PDILT: variants seen among roughly 807,000 people sequenced by gnomAD.
PDILT encodes protein disulfide isomerase like, testis expressed, also known as protein disulfide-isomerase-like protein of the testis.
A neutral mutation model predicts 53.7 loss-of-function variants in PDILT; 43 were observed. The observed-to-expected ratio is 0.80, with a 90% CI of 0.63 to 1.03. PDILT has a LOEUF of 1.03. Among genes scored for constraint, PDILT ranks in the 50% least tolerant of loss-of-function variants. PDILT has a pLI of 0.00. For missense variants in PDILT, 727 were observed against 712.3 expected (o/e 1.02, Z -0.24); for synonymous variants, 282 against 274.2 (o/e 1.03, Z -0.28).
intron 8 of PDILT, among the ~76,000 whole-genome samples, chr16:20,368,875 C>A (rs1447353841): frequency 6.6e-6 from 1 of 152,166 alleles, no homozygotes; most frequent in Admixed American, 6.5e-5. Flanking sequence ...TGAACCACCG[C>A]ACCTGGCCCA....
rs1236361366 is a variant in PDILT at position 20,369,599 on chromosome 16, G to C, written c.1009C>G (p.Gln337Glu). Residue 337 changes from glutamine (Q) to glutamate (E), a missense_variant, in exon 8 of 12, where the codon CAA becomes GAA. Gln to Glu is a conservative substitution (Grantham distance 29). Coordinates refer to ENST00000302451, the MANE Select transcript of PDILT (RefSeq NM_174924.2). ...RVTEVDIPSV[Q>E]ILNLSSDARY... ...GCGTCAGAGCTCAAGTTTAGGATTT[G>C]GACGGATGGGATATCGACCTCTGTG... is the stretch of plus-strand genomic sequence containing the variant. 1.9e-6 allele frequency: 3 copies of C among 1,614,052 alleles called. No individual in the cohort carries two copies. Among genetic ancestry groups the C allele is most frequent in the South Asian group, 1.1e-5 (1 of 91,082 alleles).
intron 8 of PDILT, 29 bp downstream of exon 8, chr16:20,369,463 G>A: frequency 6.3e-7 from 1 of 1,595,112 alleles, no homozygotes; most frequent in Non-Finnish European, 8.6e-7. Flanking sequence ...TTGAGGTTCT[G>A]GATAAACCTT....
chr16:20,360,117 A>C (rs1966075230), intron 11 of PDILT, among the ~76,000 whole-genome samples: 1 of 152,232 alleles, frequency 6.6e-6, no homozygotes, highest in African/African-American at 2.4e-5. Flanking sequence ...ATAAATTCCC[A>C]TTGTTGCTTA....
At chr16:20,382,609 T>G (rs1966475991) in intron 3 of PDILT, among the ~76,000 whole-genome samples, 1 of 152,196 alleles carries the variant, frequency 6.6e-6, no homozygotes, top group Non-Finnish European at 1.5e-5. Context: ...TAAAAGCACC[T>G]CTTATATTGG....
chr16:20,376,225 G>A (rs1966387346), intron 3 of PDILT, 24 bp from the exon 4 acceptor site: 2 of 1,612,862 alleles, frequency 1.2e-6, no homozygotes, highest in Admixed American at 3.3e-5. Context: ...CAGTCAAATA[G>A]ATACCAGAGA....
chr16:20,363,795 T>G (rs750947972), intron 9 of PDILT, among the ~76,000 whole-genome samples: 1 of 152,170 alleles, frequency 6.6e-6, no homozygotes, highest in Non-Finnish European at 1.5e-5. Context: ...GTATAATTAC[T>G]CTTGGACAGG....
chr16:20,394,645 T>C (rs1966641483), intron 2 of PDILT, among the ~76,000 whole-genome samples: 1 of 152,154 alleles, frequency 6.6e-6, no homozygotes, highest in Non-Finnish European at 1.5e-5. Flanking sequence ...AACCTGGGAG[T>C]CTGCATTTCT....
chr16:20,386,978 G>C (rs1966547723), intron 2 of PDILT, among the ~76,000 whole-genome samples: 2 of 152,230 alleles, frequency 1.3e-5, no homozygotes, highest in African/African-American at 2.4e-5. Flanking sequence ...GTGACAGAGA[G>C]AGCTTGTGGC....
chr16:20,376,162 C>T lies in PDILT; in HGVS notation c.449G>A (p.Arg150Gln), dbSNP rs754779838. 57 of 1,614,052 alleles carry T rather than the reference C, an allele frequency of 3.5e-5. No homozygotes were observed. The South Asian group carries it at 3.7e-4, about 11-fold the overall frequency. The change falls in exon 4 of 12, where the codon CGA becomes CAA. Residue 150 changes from arginine to glutamine, a missense_variant. By Grantham distance (43) the Arg-to-Gln change is conservative (BLOSUM62 1). Transcript: ENST00000302451. ...CAAAAATGCTTTCTGGCTAATTTGT[C>T]GTCTCAACCAAACGACTAAGGCAGC... Reference protein sequence around the residue: ...ESAALVVWLRRQISQKAFLFN... With the variant: ...ESAALVVWLRQQISQKAFLFN...
intron 4 of PDILT, among the ~76,000 whole-genome samples, chr16:20,375,393 G>A (rs1308520540): frequency 6.6e-6 from 1 of 152,188 alleles, no homozygotes; most frequent in Non-Finnish European, 1.5e-5. Flanking sequence ...CAAGGGGTGA[G>A]GGAGAGAGGC....
rs1366459129 is a variant in PDILT at position 20,399,092 on chromosome 16, C to T, written c.202+7G>A. 3.1e-6 allele frequency: 5 copies of T among 1,613,996 alleles called. No individual in the cohort carries two copies. Among genetic ancestry groups the T allele is most frequent in the Non-Finnish European group, 4.2e-6 (5 of 1,179,968 alleles). ...TATCATCCATCACCCAGGATGGGGG[C>T]ACTCACGGAAAAGCACCATGAGGAA... On this transcript the variant is annotated splice_region_variant and intron_variant, in intron 2 of 11. Coordinates refer to ENST00000302451, the MANE Select transcript of PDILT (RefSeq NM_174924.2).
chr16:20,378,925 T>G (rs74811560), intron 3 of PDILT, among the ~76,000 whole-genome samples: 1 of 152,234 alleles, frequency 6.6e-6, no homozygotes, highest in African/African-American at 2.4e-5. Flanking sequence ...CAGTTTTTCA[T>G]GTACTTGAAG....
intron 5 of PDILT, among the ~76,000 whole-genome samples, chr16:20,373,675 CCAAT>C (rs1286957442): frequency 6.6e-6 from 1 of 152,170 alleles, no homozygotes; most frequent in Non-Finnish European, 1.5e-5. Context: ...TGAGTTTTGG[CCAAT>C]CAAAGGTGGC....
intron 1 of PDILT, among the ~76,000 whole-genome samples, chr16:20,399,985 T>G (rs996187724): frequency 2.0e-5 from 3 of 151,906 alleles, no homozygotes; most frequent in African/African-American, 7.3e-5. Flanking sequence ...ATTGAAAATA[T>G]CTATGTAAAC....
chr16:20,361,365 A>C (rs1038910107), intron 10 of PDILT, among the ~76,000 whole-genome samples: 2 of 151,900 alleles, frequency 1.3e-5, no homozygotes, highest in African/African-American at 4.8e-5. Context: ...TTATATTTTC[A>C]GTAGAGACGG....
In PDILT at chr16:20,359,295, T is replaced by C. The variant is rs1555488697; in HGVS notation, c.*24A>G. ...GATGCCAGGATCTGGAAAATAAGCA[T>C]CTTTTTTCCTGGTATTGGAGAAGCT... On this transcript the variant is annotated 3_prime_UTR_variant, in exon 12 of 12. Coordinates refer to ENST00000302451, the MANE Select transcript of PDILT (RefSeq NM_174924.2). 4 of 1,606,604 alleles carry C rather than the reference T, an allele frequency of 2.5e-6. No individual in the cohort carries two copies. The highest frequency in any genetic ancestry group is 2.2e-5 in the South Asian group (2 of 89,656).
chr16:20,393,747 A>T (rs904085961), intron 2 of PDILT, among the ~76,000 whole-genome samples: 8 of 152,180 alleles, frequency 5.3e-5, no homozygotes, highest in Non-Finnish European at 8.8e-5. Context: ...TAAAGCAGAG[A>T]GTGTGACAGT....
At chr16:20,402,085 A>G (rs1010771854) in intron 1 of PDILT, among the ~76,000 whole-genome samples, 1 of 152,198 alleles carries the variant, frequency 6.6e-6, no homozygotes, top group African/African-American at 2.4e-5. Flanking sequence ...TCACTCATTC[A>G]TTCATCAAAT....
At chr16:20,372,953 T>C in intron 6 of PDILT, 26 bp from the exon 7 acceptor site, 1 of 1,613,770 alleles carries the variant, frequency 6.2e-7, no homozygotes, top group Non-Finnish European at 8.5e-7. Flanking sequence ...AAATATGTCA[T>C]CCCAAGCACA....
Sources: allele counts gnomAD v4.1 joint callset (sites outside exome capture counted in the v4.1 genomes callset), GRCh38; gene constraint gnomAD v4.1.1; transcripts MANE v1.5; gene names NCBI Gene and HGNC (gene_info 2026-07-23, HGNC 2026-07-21).